Variants in MACROD2 observed in about 807,000 individuals in gnomAD.
The protein encoded by MACROD2 is ADP-ribose glycohydrolase MACROD2.
MACROD2 carries 36 observed loss-of-function variants against 70.4 expected under a neutral mutation model. The ratio of observed to expected loss-of-function variants is 0.51; its 90% CI spans 0.39 to 0.68. The LOEUF is 0.68. Among genes scored for constraint, MACROD2 ranks in the 30% least tolerant of loss-of-function variants. MACROD2 has a pLI of 0.00. For synonymous variants in MACROD2, 172 were observed against 178.8 expected, an observed-to-expected ratio of 0.96 and a Z score of 0.30; for missense variants, 496 against 538.4, an observed-to-expected ratio of 0.92 and a Z score of 0.78.
chr20:14,167,814 A>T (rs929005263), intron 3 of MACROD2, among the ~76,000 whole-genome samples: 6 of 152,234 alleles, frequency 3.9e-5, no homozygotes, highest in Non-Finnish European at 8.8e-5. Flanking sequence ...TTCAAAAAAC[A>T]TTGAAAACTT....
intron 5 of MACROD2, among the ~76,000 whole-genome samples, chr20:15,160,537 A>T (rs1316661473): frequency 1.3e-5 from 2 of 152,112 alleles, no homozygotes; most frequent in African/African-American, 4.8e-5. Flanking sequence ...CCTATGAATC[A>T]TTTATTTATT....
chr20:15,133,905 CTTTTT>C (rs11467185), intron 5 of MACROD2, among the ~76,000 whole-genome samples: 59,815 of 111,250 alleles, frequency 0.54, 13,381 homozygotes, highest in African/African-American at 0.55. Flanking sequence ...TTTAAATAAT[CTTTTT>C]TTTTTTTTTT....
intron 8 of MACROD2, among the ~76,000 whole-genome samples, chr20:15,625,162 G>A (rs969847272): frequency 2.0e-5 from 3 of 152,124 alleles, no homozygotes; most frequent in Non-Finnish European, 4.4e-5. Context: ...ACACTATTTT[G>A]TCCAAAGCCA....
chr20:14,189,201 TTAC>T (rs1375223903), intron 3 of MACROD2, among the ~76,000 whole-genome samples: 1 of 152,140 alleles, frequency 6.6e-6, no homozygotes, highest in African/African-American at 2.4e-5. Context: ...TTTGGTTACT[TTAC>T]TAAAATTCCC....
At chr20:14,770,916 A>T (rs2072156684) in intron 5 of MACROD2, among the ~76,000 whole-genome samples, 1 of 152,158 alleles carries the variant, frequency 6.6e-6, no homozygotes, top group Admixed American at 6.5e-5. Context: ...CAAAGATGTT[A>T]TGATGGTTAA....
At chr20:15,837,759 C>T (rs2064130080) in intron 8 of MACROD2, among the ~76,000 whole-genome samples, 2 of 152,138 alleles carry the variant, frequency 1.3e-5, no homozygotes, top group Non-Finnish European at 2.9e-5. Flanking sequence ...CTCTTGGTTA[C>T]AAAAGCTGTG....
intron 5 of MACROD2, among the ~76,000 whole-genome samples, chr20:15,114,095 G>A (rs867533782): frequency 3.4e-4 from 51 of 152,160 alleles, no homozygotes; most frequent in African/African-American, 1.2e-3. Context: ...TCACAGGGTG[G>A]AGAAGGCTGG....
At chr20:15,807,438 T>TAC (rs1460444097) in intron 8 of MACROD2, among the ~76,000 whole-genome samples, 2 of 152,168 alleles carry the variant, frequency 1.3e-5, no homozygotes, top group East Asian at 3.9e-4. Context: ...CTTTAGTACA[T>TAC]ACACACACAC....
chr20:15,718,742 G>A (rs1006535767), intron 8 of MACROD2, among the ~76,000 whole-genome samples: 2 of 152,146 alleles, frequency 1.3e-5, no homozygotes, highest in African/African-American at 4.8e-5. Context: ...CATGACTTAC[G>A]GGGGAAGTTA....
chr20:14,627,947 T>C (rs1984279898), intron 4 of MACROD2, among the ~76,000 whole-genome samples: 2 of 152,204 alleles, frequency 1.3e-5, no homozygotes, highest in South Asian at 4.1e-4. Flanking sequence ...CTATAATTAA[T>C]AGAACATAAT....
intron 10 of MACROD2, among the ~76,000 whole-genome samples, chr20:15,926,843 A>G (rs1051262515): frequency 6.6e-6 from 1 of 152,198 alleles, no homozygotes; most frequent in Non-Finnish European, 1.5e-5. Context: ...TCCACCACGC[A>G]GGGTCTTGCT....
chr20:15,168,706 G>C (rs1302544326), intron 5 of MACROD2, among the ~76,000 whole-genome samples: 2 of 152,096 alleles, frequency 1.3e-5, no homozygotes, highest in Non-Finnish European at 1.5e-5. Flanking sequence ...AATGAGCCAG[G>C]TGTGATAGTG....
chr20:15,251,534 G>A (rs1389294544), intron 6 of MACROD2, among the ~76,000 whole-genome samples: 2 of 152,182 alleles, frequency 1.3e-5, no homozygotes, highest in African/African-American at 2.4e-5. Context: ...GGACTTGGGT[G>A]TAAGTTGCAT....
chr20:14,815,763 C>G (rs1481716739), intron 5 of MACROD2, among the ~76,000 whole-genome samples: 1 of 151,820 alleles, frequency 6.6e-6, no homozygotes, highest in Non-Finnish European at 1.5e-5. Flanking sequence ...AACATAGTAA[C>G]ATTTTTTGTT....
intron 2 of MACROD2, among the ~76,000 whole-genome samples, chr20:14,048,335 G>A (rs141498618): frequency 6.0e-4 from 92 of 152,212 alleles, no homozygotes; most frequent in African/African-American, 1.9e-3. Context: ...TGAGGAGTCC[G>A]CTCTCTATCT....
intron 3 of MACROD2, among the ~76,000 whole-genome samples, chr20:14,466,194 T>G (rs890526554): frequency 2.0e-5 from 3 of 152,132 alleles, no homozygotes; most frequent in Non-Finnish European, 4.4e-5. Flanking sequence ...ATTTGGTCTT[T>G]TCACATAGTC....
At chr20:14,448,346 G>A (rs985561090) in intron 3 of MACROD2, among the ~76,000 whole-genome samples, 1 of 151,928 alleles carries the variant, frequency 6.6e-6, no homozygotes, top group Non-Finnish European at 1.5e-5. Flanking sequence ...GTTTTCATTC[G>A]TTGGAAAGGG....
intron 15 of MACROD2, among the ~76,000 whole-genome samples, chr20:16,011,551 G>A (rs1332041935): frequency 4.2e-4 from 64 of 152,360 alleles, no homozygotes; most frequent in Non-Finnish European, 2.9e-5. Context: ...GTTTATTAAA[G>A]GAAATGCCTG....
chr20:14,827,897 A>C (rs561289781), intron 5 of MACROD2, among the ~76,000 whole-genome samples: 99 of 152,172 alleles, frequency 6.5e-4, no homozygotes, highest in African/African-American at 2.0e-3. Context: ...CTAATATCTA[A>C]TAGTCTCATA....
Sources: gnomAD v4.1 joint callset for allele counts (sites outside exome capture counted in the v4.1 genomes callset) on GRCh38, gnomAD v4.1.1 for gene constraint, MANE v1.5 for transcripts, NCBI Gene and HGNC (gene_info 2026-07-23, HGNC 2026-07-21) for gene names.